The following SPSB1 variants were observed in gnomAD, a reference collection of about 807,000 sequenced individuals.
The protein encoded by SPSB1 is splA/ryanodine receptor domain and SOCS box containing 1, also known as SPRY domain-containing SOCS box protein 1.
Under a neutral mutation model 21.2 loss-of-function variants are expected in SPSB1, and 8 were observed. The ratio of observed to expected loss-of-function variants is 0.38; its 90% confidence interval spans 0.22 to 0.68. SPSB1 has a LOEUF of 0.68. Ranked by LOEUF, SPSB1 falls within the 30% of genes least tolerant of loss-of-function variation. SPSB1 has a pLI of 0.53. For synonymous variants in SPSB1, 169 were observed against 161.7 expected (o/e 1.05, Z -0.34); for missense variants, 242 against 377.8 (o/e 0.64, Z 2.98).
intron 1 of SPSB1, among the ~76,000 whole-genome samples, chr1:9,349,059 C>G (rs767791256): frequency 6.6e-6 from 1 of 152,172 alleles, no homozygotes; most frequent in Non-Finnish European, 1.5e-5. Context: ...CCCAGGGCTT[C>G]GTGTCATCTG....
At chr1:9,314,107 C>T (rs1019719236) in intron 1 of SPSB1, among the ~76,000 whole-genome samples, 10 of 149,996 alleles carry the variant, frequency 6.7e-5, no homozygotes, top group African/African-American at 2.2e-4. Context: ...ACCAAGGAGG[C>T]AGAGGTTGCA....
In SPSB1 at chr1:9,350,141, A is replaced by G. The variant is rs550134473; in HGVS notation, c.-149-5602A>G. Among the ~76,000 whole-genome samples, 540 of 152,292 alleles carry G rather than the reference A, an allele frequency of 3.5e-3. 1 individual carries two copies. The highest frequency in any genetic ancestry group is 6.6e-3 in the Non-Finnish European group (450 of 68,022). ...ACCCCTACCACCCGCACAGGTACAC[A>G]CACACATTCTTTCTCCTGGTTGAAA... On this transcript the variant is annotated intron_variant, in intron 1 of 2. Transcript: ENST00000328089.
At chr1:9,366,366 C>T (rs907880593) in intron 2 of SPSB1, among the ~76,000 whole-genome samples, 1 of 152,254 alleles carries the variant, frequency 6.6e-6, no homozygotes, top group Non-Finnish European at 1.5e-5. Context: ...CGGGGTTTCT[C>T]TGTCTCCATG....
intron 2 of SPSB1, among the ~76,000 whole-genome samples, chr1:9,357,074 CGGATGGATGGGTGGGT>C (rs1640376349): frequency 7.0e-6 from 1 of 143,528 alleles, no homozygotes; most frequent in Non-Finnish European, 1.5e-5. Context: ...GATAAATGAA[CGGATGGATGGGTGGGT>C]GGATGGATGG....
rs377154058 is a variant in SPSB1, at chr1:9,355,887, C to G, written c.-5C>G. 1 of 1,543,316 alleles carries G rather than the reference C, an allele frequency of 6.5e-7. No individual in the cohort carries two copies. The highest frequency in any genetic ancestry group is 1.4e-5 in the African/African-American group (1 of 72,620). On this transcript the variant is annotated 5_prime_UTR_variant, in exon 2 of 3. Coordinates refer to ENST00000328089, the MANE Select transcript of SPSB1 (RefSeq NM_025106.4). ...GTCGGTAAGAAGGTGAAGCCAGGGG[C>G]GAACATGGGTCAGAAGGTCACTGGA...
chr1:9,310,525 T>A (rs958575297), intron 1 of SPSB1, among the ~76,000 whole-genome samples: 1 of 152,112 alleles, frequency 6.6e-6, no homozygotes, highest in Non-Finnish European at 1.5e-5. Flanking sequence ...AAACCCCGTC[T>A]CTACTAAAAA....
chr1:9,362,567 G>A lies in SPSB1; in HGVS notation c.695-4881G>A, dbSNP rs187910346. Among the ~76,000 whole-genome samples the A allele has an allele frequency of 4.6e-5, 7 of 152,342 alleles. No individual in the cohort carries two copies. In the East Asian group the frequency reaches 1.3e-3, roughly 29 times the overall value. On this transcript the variant is annotated intron_variant, in intron 2 of 2. Coordinates refer to ENST00000328089, the MANE Select transcript of SPSB1 (RefSeq NM_025106.4). ...TCAGCGAGGACATTGCGGAAGCCGG[G>A]GCATTCTCTGATGCGGAACATTTTT...
chr1:9,314,144 C>T (rs952866632), intron 1 of SPSB1, among the ~76,000 whole-genome samples: 2 of 150,762 alleles, frequency 1.3e-5, no homozygotes, highest in Non-Finnish European at 3.0e-5. Flanking sequence ...CTACTGCACT[C>T]CAGCCTGGGC....
At position 9,345,070 on chromosome 1, in the gene SPSB1, C is replaced by G. The variant is rs973798034; in HGVS notation, c.-149-10673C>G. On this transcript the variant is annotated intron_variant, in intron 1 of 2. Coordinates refer to ENST00000328089, the MANE Select transcript of SPSB1 (RefSeq NM_025106.4). This position sits in a 1 kb window ranked among gnomAD's most constrained non-coding sequence, Gnocchi z 4.8. ...TGGATGCACTCCAGCCTCTTCCTCT[C>G]AGGCCAGGCAGCCCTGAACTCTGGA... is the stretch of plus-strand genomic sequence containing the variant. 6.6e-6 allele frequency among the ~76,000 whole-genome samples: 1 copy of G among 152,208 alleles called. No homozygotes were observed. Among genetic ancestry groups the G allele is most frequent in the Non-Finnish European group, 1.5e-5 (1 of 68,038 alleles).
chr1:9,315,702 C>T (rs1333120761), intron 1 of SPSB1, among the ~76,000 whole-genome samples: 3 of 152,248 alleles, frequency 2.0e-5, no homozygotes, highest in Non-Finnish European at 2.9e-5. Context: ...CAGCAAAGAA[C>T]ACTGAGTGGG....
At chr1:9,307,044 T>A (rs972322562) in intron 1 of SPSB1, among the ~76,000 whole-genome samples, 1 of 151,910 alleles carries the variant, frequency 6.6e-6, no homozygotes, top group South Asian at 2.1e-4. Context: ...TCTCCCTCCT[T>A]AGCCTCCTGG....
In SPSB1 at chr1:9,319,609, G is replaced by A. The variant is rs114127976; in HGVS notation, c.-150+26538G>A. Among the ~76,000 whole-genome samples, 1,024 of 152,322 alleles carry A rather than the reference G, an allele frequency of 6.7e-3. 18 individuals are homozygous for A. Among genetic ancestry groups the A allele is most frequent in the African/African-American group, 0.024 (982 of 41,588 alleles). The stretch of plus-strand genomic sequence containing the variant: ...TGGCCTGCGCATGCTGTGTCTCACG[G>A]TGGCTGATGTTCCGTACCGGGCTGG... On this transcript the variant is annotated intron_variant, in intron 1 of 2. Transcript: ENST00000328089.
At chr1:9,364,254 C>T (rs755842143) in intron 2 of SPSB1, among the ~76,000 whole-genome samples, 18 of 152,210 alleles carry the variant, frequency 1.2e-4, no homozygotes, top group East Asian at 3.8e-4. Context: ...CAGATGCAGG[C>T]GCGCTCCCAA....
intron 1 of SPSB1, among the ~76,000 whole-genome samples, chr1:9,335,150 AT>A (rs1490264797): frequency 6.6e-6 from 1 of 150,730 alleles, no homozygotes. Context: ...AAAATGCACC[AT>A]TTTGTAAAAT....
chr1:9,331,268 G>C (rs905347624), intron 1 of SPSB1, among the ~76,000 whole-genome samples: 1 of 104,438 alleles, frequency 9.6e-6, no homozygotes, highest in African/African-American at 4.0e-5. Flanking sequence ...GGAAGTGGCC[G>C]CACCTCTGTC....
rs993062788 is a variant in SPSB1, at chr1:9,368,274, T to A, written c.*699T>A. 31 of 152,666 alleles carry A rather than the reference T, an allele frequency of 2.0e-4. No homozygotes were observed. The highest frequency in any genetic ancestry group is 6.3e-4 in the African/African-American group (26 of 41,464). 9.5% of individuals were successfully genotyped at this position (152,666 alleles called of 1,614,324 possible). A position where few individuals can be genotyped will look rare whatever the true frequency, so the allele number is the denominator to read the frequency against. The stretch of plus-strand genomic sequence containing the variant: ...CCTCTCTCTGGCTGTTCTGTTACTT[T>A]CCTTCCACCTGTGCCCTCCCTGGGA... On this transcript the variant is annotated 3_prime_UTR_variant, in exon 3 of 3. Coordinates refer to ENST00000328089, the MANE Select transcript of SPSB1 (RefSeq NM_025106.4).
At chr1:9,299,645 A>AATTT (rs1429582729) in intron 1 of SPSB1, among the ~76,000 whole-genome samples, 1 of 151,976 alleles carries the variant, frequency 6.6e-6, no homozygotes, top group African/African-American at 2.4e-5. Context: ...ACACCCAGCT[A>AATTT]ATTTTTTGTA....
chr1:9,361,156 C>CTTTTTTTTTTTTTTTTTTTTTTTTTTTTT (rs57871457), intron 2 of SPSB1, among the ~76,000 whole-genome samples: 2 of 102,576 alleles, frequency 1.9e-5, no homozygotes, highest in African/African-American at 8.3e-5. Flanking sequence ...CTGTCATTTT[C>CTTTTTTTTTTTTTTTTTTTTTTTTTTTTT]TTTTTTTTTT....
At chr1:9,325,680 C>T (rs1420709084) in intron 1 of SPSB1, among the ~76,000 whole-genome samples, 3 of 152,092 alleles carry the variant, frequency 2.0e-5, no homozygotes, top group Admixed American at 1.3e-4. Context: ...TCACAGGGGA[C>T]GGGTCTTAAG....
Sources: allele counts gnomAD v4.1 joint callset (sites outside exome capture counted in the v4.1 genomes callset), GRCh38; gene constraint gnomAD v4.1.1; non-coding constraint Gnocchi (gnomAD v3.1); transcripts MANE v1.5; gene names NCBI Gene and HGNC (gene_info 2026-07-23, HGNC 2026-07-21).